Variants in ZFAND4 observed in about 807,000 individuals in gnomAD.
ZFAND4 encodes the protein zinc finger AN1-type containing 4, also known as AN1-type zinc finger protein 4.
ZFAND4 carries 43 observed loss-of-function variants against 64.4 expected under a neutral mutation model. That is an observed-to-expected ratio of 0.67 (90% CI 0.52 to 0.86). ZFAND4 has a LOEUF of 0.86. Ranked by LOEUF, ZFAND4 falls within the 40% of genes least tolerant of loss-of-function variation. The pLI is 0.00. For missense variants in ZFAND4, 929 were observed against 859.8 expected, an observed-to-expected ratio of 1.08 and a Z score of -1.01; for synonymous variants, 296 against 305.7, an observed-to-expected ratio of 0.97 and a Z score of 0.33.
chr10:45,648,364 A>G lies in ZFAND4; in HGVS notation c.499T>C (p.Leu167=). The stretch of plus-strand genomic sequence containing the variant: ...TCTATTTTCTTTGAAGAGTCAGATA[A>G]CGGTGTTAAAGTGCCATCTCCCCTA... ...VDRGDGTLTP[L]SDSSKKIDFH... The change falls in exon 5 of 10, where the codon TTA becomes CTA. Residue 167 remains leucine (L), a synonymous_variant. Transcript: ENST00000344646. The G allele has an allele frequency of 6.2e-7, 1 of 1,614,016 alleles. No homozygotes were observed. Among genetic ancestry groups the G allele is most frequent in the East Asian group, 2.2e-5 (1 of 44,858 alleles).
At chr10:45,634,444 G>A (rs1564578572) in intron 6 of ZFAND4, among the ~76,000 whole-genome samples, 3 of 150,708 alleles carry the variant, frequency 2.0e-5, no homozygotes, top group East Asian at 3.9e-4. Flanking sequence ...GAGGAGAATC[G>A]CTTGAACCCA....
Position 45,616,198 on chromosome 10 carries a change from C to A in ZFAND4, c.*238G>T, listed in dbSNP as rs1189547988. The stretch of plus-strand genomic sequence containing the variant: ...TACAAAACACTTAACACAAGACATG[C>A]AATAACAAAGCTAAATCATTCCAGT... On this transcript the variant is annotated 3_prime_UTR_variant, in exon 10 of 10. Transcript: ENST00000344646. 3 of 484,936 alleles carry A rather than the reference C, an allele frequency of 6.2e-6. No individual in the cohort carries two copies. The highest frequency in any genetic ancestry group is 1.1e-5 in the Non-Finnish European group (3 of 278,194). The allele number at this position is 484,936 out of a possible 1,614,324, so 30.0% of individuals were successfully genotyped here. A position where few individuals can be genotyped will look rare whatever the true frequency, so the allele number is the denominator to read the frequency against.
At chr10:45,662,730 C>G (rs1003305845) in intron 2 of ZFAND4, 10 of 936,784 alleles carry the variant, frequency 1.1e-5, no homozygotes, top group Non-Finnish European at 1.1e-5. Flanking sequence ...CTTGGCCTCA[C>G]AAAAATGAAA....
Position 45,625,975 on chromosome 10 carries a change from C to A in ZFAND4, c.1848G>T (p.Gln616His), listed in dbSNP as rs757776951. The change falls in exon 7 of 10, where the codon CAG becomes CAT. Residue 616 changes from glutamine to histidine, a missense_variant. Gln to His is a conservative substitution (Grantham distance 24). Transcript: ENST00000344646. ...CCAAAAAAACTCCTGTATGTTCTAA[C>A]TGGGGAGAACTTTTCCTAAAGTTTT... ...QEENFRKSSP[Q>H]LEHTGVFLST... 30 of 1,613,906 alleles carry A rather than the reference C, an allele frequency of 1.9e-5. No individual in the cohort carries two copies. In the Admixed American group the frequency reaches 4.8e-4, roughly 26 times the overall value.
In ZFAND4 at chr10:45,626,700, G is replaced by T; in HGVS notation, c.1123C>A (p.Pro375Thr). 1.2e-6 allele frequency: 2 copies of T among 1,614,198 alleles called. No individual in the cohort carries two copies. Among genetic ancestry groups the T allele is most frequent in the Non-Finnish European group, 1.7e-6 (2 of 1,180,034 alleles). Residue 375 changes from proline (P) to threonine (T), a missense_variant, in exon 7 of 10, where the codon CCA becomes ACA. By Grantham distance (38) the Pro-to-Thr change is conservative. Transcript: ENST00000344646. ...AAGACAATGTTCCCATTACTAGATG[G>T]CAAGTTTCCTAAAAAATGTTTTGTT... ...RQTKHFLGNL[P>T]SSNGNIVLPS...
At chr10:45,657,317 T>A (rs1315965090) in intron 2 of ZFAND4, among the ~76,000 whole-genome samples, 1 of 152,162 alleles carries the variant, frequency 6.6e-6, no homozygotes. Flanking sequence ...AATTAAAAGA[T>A]GCATAACATC....
At chr10:45,620,244 G>A (rs1345920387) in intron 8 of ZFAND4, among the ~76,000 whole-genome samples, 4 of 152,110 alleles carry the variant, frequency 2.6e-5, no homozygotes, top group Non-Finnish European at 5.9e-5. Context: ...AGCACTTTGG[G>A]AGGCCAAGGT....
chr10:45,639,191 A>T (rs1251301818), intron 6 of ZFAND4, among the ~76,000 whole-genome samples: 2 of 152,154 alleles, frequency 1.3e-5, no homozygotes, highest in African/African-American at 4.8e-5. Context: ...TCCAAAAAAA[A>T]TCTGTAACAA....
chr10:45,645,050 C>T (rs1228498681), intron 5 of ZFAND4, among the ~76,000 whole-genome samples: 4 of 144,256 alleles, frequency 2.8e-5, no homozygotes, highest in African/African-American at 5.2e-5. Context: ...GGTGTGATCT[C>T]GGCTCACTGC....
Position 45,663,680 on chromosome 10 carries a change from C to A in ZFAND4, c.46G>T (p.Gly16Ter). 6.2e-7 allele frequency: 1 copy of A among 1,607,088 alleles called. No homozygotes were observed. ...EPPFFNDDNM[G>*]PFYYRLHFCD... The stretch of plus-strand genomic sequence containing the variant: ...AAATGAAGTCTGTAGTAAAATGGTC[C>A]CATGTTATCATCATTGAAGAATGGA... The change falls in exon 2 of 10, where the codon GGA becomes TGA. Residue 16 changes from glycine to a stop codon, truncating the protein, a stop_gained. Coordinates refer to ENST00000344646, the MANE Select transcript of ZFAND4 (RefSeq NM_174890.4). LOFTEE classifies it high-confidence loss of function.
At chr10:45,648,996 C>G (rs539373043) in intron 4 of ZFAND4, 4 of 984,280 alleles carry the variant, frequency 4.1e-6, no homozygotes, top group Admixed American at 6.2e-5. Flanking sequence ...CGGCCGGGTG[C>G]GGTGGCTCAT....
At chr10:45,627,791 C>T (rs1257842527) in intron 6 of ZFAND4, among the ~76,000 whole-genome samples, 3 of 152,144 alleles carry the variant, frequency 2.0e-5, no homozygotes, top group Non-Finnish European at 4.4e-5. Context: ...CCCCGGTAAA[C>T]AACATTTCAC....
chr10:45,618,283 G>A, intron 8 of ZFAND4, 23 bp from the exon 9 acceptor site: 1 of 1,607,530 alleles, frequency 6.2e-7, no homozygotes, highest in Non-Finnish European at 8.5e-7. Flanking sequence ...AGGACACCTT[G>A]ATTAACACAG....
intron 4 of ZFAND4, chr10:45,651,378 T>C (rs932930720): frequency 6.1e-6 from 2 of 329,724 alleles, no homozygotes; most frequent in Admixed American, 7.8e-5. Flanking sequence ...ACATTTATTG[T>C]AGGCACTGTC....
At chr10:45,643,082 G>A (rs935282534) in intron 5 of ZFAND4, among the ~76,000 whole-genome samples, 27 of 151,008 alleles carry the variant, frequency 1.8e-4, no homozygotes, top group Admixed American at 9.9e-4. Flanking sequence ...CATCACGCCC[G>A]GCTAATTTTG....
intron 9 of ZFAND4, 186 bp downstream of exon 9, chr10:45,617,953 CT>C: frequency 2.0e-6 from 1 of 490,888 alleles, no homozygotes; most frequent in Non-Finnish European, 3.4e-6. Flanking sequence ...CTGTTTTTGT[CT>C]TTTGGAAACC....
At chr10:45,636,965 G>GT (rs2046638078) in intron 6 of ZFAND4, among the ~76,000 whole-genome samples, 1 of 148,138 alleles carries the variant, frequency 6.8e-6, no homozygotes, top group Non-Finnish European at 1.5e-5. Flanking sequence ...AAGAAAGGAT[G>GT]TTTTTTCTTA....
intron 9 of ZFAND4, 25 bp from the exon 10 acceptor site, chr10:45,616,596 G>T: frequency 6.2e-7 from 1 of 1,613,216 alleles, no homozygotes; most frequent in South Asian, 1.1e-5. Context: ...AAGTTTACGT[G>T]AATAGTTGTA....
chr10:45,662,579 C>T (rs974917181), intron 2 of ZFAND4: 7 of 985,108 alleles, frequency 7.1e-6, no homozygotes, highest in Admixed American at 1.2e-4. Context: ...CTAGATCTCA[C>T]CAAATCATTT....
Sources: gnomAD v4.1 joint callset for allele counts (sites outside exome capture counted in the v4.1 genomes callset) on GRCh38, gnomAD v4.1.1 for gene constraint, MANE v1.5 for transcripts, NCBI Gene and HGNC (gene_info 2026-07-23, HGNC 2026-07-21) for gene names.